SGMS1: variants seen among roughly 807,000 people sequenced by gnomAD.
SGMS1 encodes sphingomyelin synthase 1.
In SGMS1, 13 loss-of-function variants were observed where a neutral mutation model predicts 46.2. The observed-to-expected ratio is 0.28, with a 90% CI of 0.18 to 0.45. The LOEUF is 0.45. Among genes scored for constraint, SGMS1 ranks in the 20% least tolerant of loss-of-function variants. SGMS1 has a pLI of 1.00. For synonymous variants in SGMS1, 203 were observed against 187.8 expected (o/e 1.08, Z -0.66); for missense variants, 324 against 519.9 (o/e 0.62, Z 3.66).
intron 3 of SGMS1, among the ~76,000 whole-genome samples, chr10:50,486,924 A>G (rs1837525766): frequency 6.6e-6 from 1 of 152,246 alleles, no homozygotes; most frequent in African/African-American, 2.4e-5. Flanking sequence ...CCCATCAATG[A>G]TGACTGGATA....
intron 1 of SGMS1, among the ~76,000 whole-genome samples, chr10:50,593,237 C>T (rs1318098674): frequency 6.6e-6 from 1 of 152,214 alleles, no homozygotes. Flanking sequence ...CAGCCTCAGT[C>T]AAGCCTTCAA....
intron 6 of SGMS1, among the ~76,000 whole-genome samples, chr10:50,360,478 G>GT (rs1848228636): frequency 6.6e-6 from 1 of 152,064 alleles, no homozygotes; most frequent in Non-Finnish European, 1.5e-5. Flanking sequence ...AATCACTATT[G>GT]TTTTTCCCAT....
chr10:50,373,690 A>T (rs912240711), intron 6 of SGMS1, among the ~76,000 whole-genome samples: 1 of 152,248 alleles, frequency 6.6e-6, no homozygotes, highest in African/African-American at 2.4e-5. Flanking sequence ...TGGAAAAATG[A>T]CTAAGAGCGG....
intron 5 of SGMS1, among the ~76,000 whole-genome samples, chr10:50,443,041 A>G (rs1184242405): frequency 6.6e-6 from 1 of 152,216 alleles, no homozygotes; most frequent in Non-Finnish European, 1.5e-5. Context: ...AAATTTCAAA[A>G]TAGAAAACAA....
intron 2 of SGMS1, among the ~76,000 whole-genome samples, chr10:50,539,923 T>A (rs1263644631): frequency 5.3e-5 from 8 of 152,198 alleles, no homozygotes; most frequent in African/African-American, 1.7e-4. Context: ...AATTTATGTG[T>A]ATATAAAATT....
At chr10:50,318,860 G>T (rs573656374) in intron 8 of SGMS1, among the ~76,000 whole-genome samples, 1 of 152,164 alleles carries the variant, frequency 6.6e-6, no homozygotes, top group East Asian at 1.9e-4. Context: ...TTGTTTTAGG[G>T]ATAGGGGGTG....
intron 2 of SGMS1, among the ~76,000 whole-genome samples, chr10:50,585,347 A>G (rs1838473801): frequency 6.6e-6 from 1 of 152,216 alleles, no homozygotes; most frequent in African/African-American, 2.4e-5. Context: ...TGGCATTACC[A>G]CATGTAAACA....
chr10:50,506,612 C>T (rs544358368), intron 3 of SGMS1, among the ~76,000 whole-genome samples: 56 of 152,292 alleles, frequency 3.7e-4, no homozygotes, highest in African/African-American at 1.1e-3. Flanking sequence ...AGCAGAGCTG[C>T]CCACTCACTC....
intron 2 of SGMS1, among the ~76,000 whole-genome samples, chr10:50,579,699 C>T (rs1474398082): frequency 1.3e-5 from 2 of 152,190 alleles, no homozygotes; most frequent in Admixed American, 1.3e-4. Flanking sequence ...ACACAAAAGT[C>T]TTACCTCCCA....
chr10:50,489,530 G>GTATA (rs1175899617), intron 3 of SGMS1, among the ~76,000 whole-genome samples: 1 of 152,228 alleles, frequency 6.6e-6, no homozygotes. Context: ...TCTGTCAGCA[G>GTATA]TATAAAACTG....
chr10:50,411,871 C>T (rs1387529892), intron 6 of SGMS1, among the ~76,000 whole-genome samples: 1 of 152,212 alleles, frequency 6.6e-6, no homozygotes, highest in South Asian at 2.1e-4. Context: ...GTCTGGAACA[C>T]CACCGTCTAC....
At chr10:50,578,690 G>A (rs1440225376) in intron 2 of SGMS1, among the ~76,000 whole-genome samples, 1 of 152,032 alleles carries the variant, frequency 6.6e-6, no homozygotes, top group African/African-American at 2.4e-5. Context: ...TGCAAATTCT[G>A]ACCTGGATTT....
intron 3 of SGMS1, among the ~76,000 whole-genome samples, chr10:50,477,702 C>T (rs911642167): frequency 6.6e-6 from 1 of 152,080 alleles, no homozygotes; most frequent in Non-Finnish European, 1.5e-5. Context: ...GGTTTAGCAC[C>T]ATCTCCCTAG....
At chr10:50,320,589 C>T (rs78449926) in intron 8 of SGMS1, among the ~76,000 whole-genome samples, 17 of 152,288 alleles carry the variant, frequency 1.1e-4, no homozygotes, top group East Asian at 3.9e-4. Flanking sequence ...GATAGAACCA[C>T]GACTCCTTAG....
At chr10:50,372,575 T>C (rs1325524361) in intron 6 of SGMS1, among the ~76,000 whole-genome samples, 1 of 152,014 alleles carries the variant, frequency 6.6e-6, no homozygotes, top group Admixed American at 6.6e-5. Flanking sequence ...ACGCCTGTAG[T>C]CCCAGCTACT....
intron 5 of SGMS1, among the ~76,000 whole-genome samples, chr10:50,440,294 T>A (rs1203400): frequency 0.49 from 73,417 of 149,946 alleles, 18,964 homozygotes; most frequent in Non-Finnish European, 0.58. Flanking sequence ...ATATATATAT[T>A]TTCTTTTAAA....
Position 50,623,761 on chromosome 10 carries a change from G to A in SGMS1, c.-738C>T. On this transcript the variant is annotated 5_prime_UTR_variant, in exon 1 of 11. Coordinates refer to ENST00000361781, the MANE Select transcript of SGMS1 (RefSeq NM_147156.4). ...TTCCGCTCGCGGAGCCCCCGCCGCG[G>A]AATGAAATCCGGGGCAGGGCAGCGT... 1.0e-6 allele frequency: 1 copy of A among 985,490 alleles called. No individual in the cohort carries two copies. The highest frequency in any genetic ancestry group is 1.2e-6 in the Non-Finnish European group (1 of 829,984). The allele number at this position is 985,490 out of a possible 1,614,324, so 61.0% of individuals were successfully genotyped here.
At chr10:50,598,280 C>T (rs1838615932) in intron 1 of SGMS1, among the ~76,000 whole-genome samples, 1 of 151,866 alleles carries the variant, frequency 6.6e-6, no homozygotes, top group African/African-American at 2.4e-5. Context: ...TCTATGAAGC[C>T]CAAGAAGGGC....
intron 6 of SGMS1, among the ~76,000 whole-genome samples, chr10:50,407,725 C>T (rs189592404): frequency 6.8e-4 from 103 of 151,044 alleles, no homozygotes; most frequent in Admixed American, 1.3e-3. Context: ...ACTGTGTCTA[C>T]TCTTGAAAGC....
Sources: allele counts gnomAD v4.1 joint callset (sites outside exome capture counted in the v4.1 genomes callset), GRCh38; gene constraint gnomAD v4.1.1; transcripts MANE v1.5; gene names NCBI Gene and HGNC (gene_info 2026-07-23, HGNC 2026-07-21).